PLXNA2: variants seen among roughly 807,000 people sequenced by gnomAD.
PLXNA2 encodes plexin-A2.
In PLXNA2, 91 loss-of-function variants were observed where a neutral mutation model predicts 193.5. The ratio of observed to expected loss-of-function variants is 0.47; its 90% CI spans 0.40 to 0.56. The LOEUF (loss-of-function observed/expected upper bound fraction) is 0.56. PLXNA2 is among the 20% of genes least tolerant of loss of function. PLXNA2 has a pLI of 0.00. For synonymous variants in PLXNA2, 997 were observed against 1,027.3 expected, an observed-to-expected ratio of 0.97 and a Z score of 0.56; for missense variants, 1,995 against 2,503.2, an observed-to-expected ratio of 0.80 and a Z score of 4.33.
chr1:208,045,949 T>C lies in PLXNA2; in HGVS notation c.3424A>G (p.Asn1142Asp), dbSNP rs763437554. Residue 1142 changes from asparagine to aspartate, a missense_variant, in exon 18 of 32, where the codon AAC becomes GAC. By Grantham distance (23) the Asn-to-Asp change is conservative (BLOSUM62 1). Coordinates refer to ENST00000367033, the MANE Select transcript of PLXNA2 (RefSeq NM_025179.4). ...YNDTKFIYYP[N>D]PTFELLSPTG... ...GGGCTAAGCAGTTCAAAGGTCGGGT[T>C]GGGGTAGTAGATAAACTTGGTGTCG... 3.7e-6 allele frequency: 6 copies of C among 1,614,120 alleles called. No individual in the cohort carries two copies. In the South Asian group the frequency reaches 5.5e-5, roughly 15 times the overall value.
chr1:208,048,958 C>T (rs1665165015), intron 17 of PLXNA2, among the ~76,000 whole-genome samples: 1 of 152,196 alleles, frequency 6.6e-6, no homozygotes, highest in Non-Finnish European at 1.5e-5. Flanking sequence ...TCAACTGCCC[C>T]TTTCCACACT....
intron 1 of PLXNA2, among the ~76,000 whole-genome samples, chr1:208,225,809 C>G (rs1671491532): frequency 6.6e-6 from 1 of 152,200 alleles, no homozygotes; most frequent in African/African-American, 2.4e-5. Flanking sequence ...AGGTCTGGAA[C>G]AGCTCCTTCC....
At chr1:208,085,666 T>C (rs1016923882) in intron 9 of PLXNA2, among the ~76,000 whole-genome samples, 3 of 152,256 alleles carry the variant, frequency 2.0e-5, no homozygotes, top group African/African-American at 7.2e-5. Context: ...TGGCCACCTC[T>C]TGTCATGGTG....
chr1:208,078,778 C>T (rs1471494945), intron 12 of PLXNA2, among the ~76,000 whole-genome samples: 6 of 152,230 alleles, frequency 3.9e-5, no homozygotes, highest in Non-Finnish European at 7.4e-5. Context: ...AAAATTGGGA[C>T]GGGGAGTAAA....
In PLXNA2 at chr1:208,182,751, T is replaced by C. The variant is rs548428713; in HGVS notation, c.1371+27529A>G. On this transcript the variant is annotated intron_variant, in intron 3 of 31. Coordinates refer to ENST00000367033, the MANE Select transcript of PLXNA2 (RefSeq NM_025179.4). The stretch of plus-strand genomic sequence containing the variant: ...GGGCAGCCTTTCAGCTGGGCAGAGC[T>C]GTGCGGGGAGTTTGCATCCAGTACT... 4.6e-5 allele frequency among the ~76,000 whole-genome samples: 7 copies of C among 152,154 alleles called. No individual in the cohort carries two copies. The South Asian group carries it at 1.5e-3, about 32-fold the overall frequency.
At chr1:208,093,371 A>G (rs1348297553) in intron 8 of PLXNA2, among the ~76,000 whole-genome samples, 1 of 152,176 alleles carries the variant, frequency 6.6e-6, no homozygotes, top group East Asian at 1.9e-4. Flanking sequence ...AATTGGGCAT[A>G]TCTGATTATA....
Position 208,042,332 on chromosome 1 carries a change from G to T in PLXNA2, c.4052C>A (p.Ala1351Asp). ...GATGAGCTGGGCAAAGAGCTTCAGGGCCTTCTCCACGTGCTGCTGCCCGTT... is the reference window on the plus strand; with the variant it reads ...GATGAGCTGGGCAAAGAGCTTCAGGTCCTTCTCCACGTGCTGCTGCCCGTT... ...QGNGQQHVEK[A>D]LKLFAQLINN... Residue 1351 changes from alanine to aspartate, a missense_variant, in exon 22 of 32, where the codon GCC (alanine) becomes GAC (aspartate). Ala to Asp is a moderately radical substitution (Grantham distance 126). Coordinates refer to ENST00000367033, the MANE Select transcript of PLXNA2 (RefSeq NM_025179.4). The T allele has an allele frequency of 1.2e-6, 2 of 1,614,130 alleles. No individual in the cohort carries two copies. The highest frequency in any genetic ancestry group is 1.7e-6 in the Non-Finnish European group (2 of 1,179,986).
chr1:208,218,368 C>T (rs57226775), intron 1 of PLXNA2, among the ~76,000 whole-genome samples: 6,946 of 152,246 alleles, frequency 0.046, 218 homozygotes, highest in Middle Eastern at 0.11. Flanking sequence ...CCTATCCTAC[C>T]GGCACGTCTT....
intron 1 of PLXNA2, among the ~76,000 whole-genome samples, chr1:208,234,584 C>T (rs979953574): frequency 2.0e-5 from 3 of 152,186 alleles, no homozygotes; most frequent in Non-Finnish European, 4.4e-5. Context: ...ATGATCAGTG[C>T]TACCAAGGAT....
chr1:208,073,357 A>G (rs1666033070), intron 12 of PLXNA2, among the ~76,000 whole-genome samples: 1 of 152,298 alleles, frequency 6.6e-6, no homozygotes, highest in Non-Finnish European at 1.5e-5. Context: ...AGGAAGCACA[A>G]TGGCCTGCAG....
At chr1:208,031,793 G>A (rs751120294) in intron 28 of PLXNA2, 34 bp from the exon 29 acceptor site, 7 of 1,524,224 alleles carry the variant, frequency 4.6e-6, no homozygotes, top group Non-Finnish European at 4.5e-6. Flanking sequence ...AAGATGGAGG[G>A]GGGTGACGGC....
chr1:208,217,909 C>T lies in PLXNA2; in HGVS notation c.14G>A (p.Arg5Gln), dbSNP rs2782948. The T allele has an allele frequency of 0.33, 538,781 of 1,609,498 alleles. 91,366 individuals are homozygous for T. Among genetic ancestry groups the T allele is most frequent in the East Asian group, 0.45 (20,316 of 44,820 alleles). MEQRRPWPRALEVDS... is the reference protein window; with the variant it reads MEQRQPWPRALEVDS... ...CACCTCCAGGGCCCGGGGCCAGGGC[C>T]GCCTCTGTTCCATGCTGAGAGGGGC... Residue 5 changes from arginine to glutamine, a missense_variant, in exon 2 of 32, where the codon CGG becomes CAG. This residue lies in a region of PLXNA2 where 702 missense variants were observed against 812.9 expected (regional missense o/e 0.86). Coordinates refer to ENST00000367033, the MANE Select transcript of PLXNA2 (RefSeq NM_025179.4). The surrounding 1 kb of genome is among the most constrained non-coding windows in gnomAD (Gnocchi z 4.7).
At chr1:208,186,298 T>A (rs1313816385) in intron 3 of PLXNA2, among the ~76,000 whole-genome samples, 5 of 152,182 alleles carry the variant, frequency 3.3e-5, no homozygotes, top group Non-Finnish European at 7.3e-5. Context: ...GAAACAGGTT[T>A]CCTTTTCTTG....
intron 3 of PLXNA2, among the ~76,000 whole-genome samples, chr1:208,204,426 T>A (rs1670651073): frequency 6.6e-6 from 1 of 152,140 alleles, no homozygotes; most frequent in Admixed American, 6.5e-5. Flanking sequence ...CACCCCACCC[T>A]CTTCCAGATG....
In PLXNA2 at chr1:208,045,077, T is replaced by G; in HGVS notation, c.3629A>C (p.His1210Pro). 6.2e-7 allele frequency: 1 copy of G among 1,614,048 alleles called. No individual in the cohort carries two copies. The highest frequency in any genetic ancestry group is 8.5e-7 in the Non-Finnish European group (1 of 1,180,008). ...LCEPPNLTGQ[H>P]KVMVHVGGMV... is the part of the protein sequence containing the mutation. ...GCAGGGCTCACTCACCATGACCTTG[T>G]GCTGCCCGGTGAGGTTGGGAGGCTC... Residue 1210 changes from histidine (H) to proline (P), a missense_variant, in exon 19 of 32, where the codon CAC becomes CCC. Around this residue, in one of 3 missense-constraint regions of PLXNA2, gnomAD observed 1,291 missense variants for 1,673.6 expected, o/e 0.77. Transcript: ENST00000367033.
At chr1:208,030,872 GGTCCAGGTT>G (rs1664481980) in intron 29 of PLXNA2, 1 of 985,316 alleles carries the variant, frequency 1.0e-6, no homozygotes, top group South Asian at 4.7e-5. Flanking sequence ...CTTGGTCTGT[GGTCCAGGTT>G]CAAAACCCAT....
intron 4 of PLXNA2, among the ~76,000 whole-genome samples, chr1:208,139,558 C>T (rs889208719): frequency 2.6e-5 from 4 of 152,174 alleles, no homozygotes; most frequent in Admixed American, 2.0e-4. Flanking sequence ...TGTGCAAGGC[C>T]ATTCAGATAG....
chr1:208,152,661 A>G (rs1455702504), intron 3 of PLXNA2, among the ~76,000 whole-genome samples: 1 of 130,150 alleles, frequency 7.7e-6, no homozygotes, highest in African/African-American at 2.7e-5. Flanking sequence ...GTATTCATGC[A>G]TACACATACA....
At chr1:208,203,692 A>G (rs1391880744) in intron 3 of PLXNA2, among the ~76,000 whole-genome samples, 1 of 152,188 alleles carries the variant, frequency 6.6e-6, no homozygotes, top group African/African-American at 2.4e-5. Context: ...CAATATTGGC[A>G]TTGGAGGGTG....
Sources: gnomAD v4.1 joint callset for allele counts (sites outside exome capture counted in the v4.1 genomes callset) on GRCh38, gnomAD v4.1.1 for gene constraint, gnomAD v4.1.1 regional missense constraint, Gnocchi (gnomAD v3.1) non-coding constraint, MANE v1.5 for transcripts, NCBI Gene and HGNC (gene_info 2026-07-23, HGNC 2026-07-21) for gene names.